ST6GALNAC3: variants seen among roughly 807,000 people sequenced by gnomAD.
ST6GALNAC3 encodes the protein alpha-N-acetylgalactosaminide alpha-2,6-sialyltransferase 3.
A neutral mutation model predicts 32.7 loss-of-function variants in ST6GALNAC3; 25 were observed. The ratio of observed to expected loss-of-function variants is 0.76; its 90% CI spans 0.56 to 1.07. The LOEUF (loss-of-function observed/expected upper bound fraction) is 1.07, where lower values mean the gene tolerates loss of function less well. Among genes scored for constraint, ST6GALNAC3 ranks in the 50% least tolerant of loss-of-function variants. ST6GALNAC3 has a pLI of 0.00. For synonymous variants in ST6GALNAC3, 129 were observed against 133.1 expected (o/e 0.97, Z 0.21); for missense variants, 355 against 382.4 (o/e 0.93, Z 0.60).
At chr1:76,145,402 C>G (rs1302165120) in intron 1 of ST6GALNAC3, among the ~76,000 whole-genome samples, 2 of 152,154 alleles carry the variant, frequency 1.3e-5, no homozygotes, top group Non-Finnish European at 2.9e-5. Context: ...CGTGTACTAG[C>G]AGCATGGGCA....
intron 3 of ST6GALNAC3, among the ~76,000 whole-genome samples, chr1:76,454,562 A>G (rs1190879638): frequency 1.3e-5 from 2 of 152,144 alleles, no homozygotes; most frequent in Admixed American, 6.5e-5. Flanking sequence ...CCAGGATGCA[A>G]AATTCTTGGC....
intron 3 of ST6GALNAC3, among the ~76,000 whole-genome samples, chr1:76,522,977 A>G (rs530253543): frequency 2.6e-5 from 4 of 152,280 alleles, no homozygotes; most frequent in Admixed American, 2.6e-4. Context: ...CTTGTGCGCA[A>G]CCATTCCCAC....
At chr1:76,442,014 TA>T (rs1179663367) in intron 3 of ST6GALNAC3, among the ~76,000 whole-genome samples, 1 of 152,192 alleles carries the variant, frequency 6.6e-6, no homozygotes, top group African/African-American at 2.4e-5. Flanking sequence ...TCCACTGTAA[TA>T]AATACTAGTG....
At chr1:76,478,917 C>T (rs1380946474) in intron 3 of ST6GALNAC3, among the ~76,000 whole-genome samples, 1 of 151,782 alleles carries the variant, frequency 6.6e-6, no homozygotes, top group Non-Finnish European at 1.5e-5. Context: ...TGCCCGCCAC[C>T]ACGCCCGGCT....
At chr1:76,284,039 G>A (rs973789536) in intron 1 of ST6GALNAC3, among the ~76,000 whole-genome samples, 5 of 123,778 alleles carry the variant, frequency 4.0e-5, no homozygotes, top group African/African-American at 6.3e-5. Flanking sequence ...CAAACCAATG[G>A]AAATGCCGGA....
At position 76,483,300 on chromosome 1, in the gene ST6GALNAC3, A is replaced by G. The variant is rs577395615; in HGVS notation, c.623+70883A>G. 6.6e-5 allele frequency among the ~76,000 whole-genome samples: 10 copies of G among 152,320 alleles called. No homozygotes were observed. The South Asian group carries it at 1.0e-3, about 16-fold the overall frequency. ...TTCTAGATCCCTGAAGAATCGCCAT[A>G]CTGTCTTCCACAATGGTTGAACTAG... On this transcript the variant is annotated intron_variant, in intron 3 of 4. Transcript: ENST00000328299.
At chr1:76,636,678 A>G (rs1649513432), downstream of ST6GALNAC3, among the ~76,000 whole-genome samples, 1 of 152,066 alleles carries the variant, frequency 6.6e-6, no homozygotes, top group Admixed American at 6.6e-5. Flanking sequence ...TCTTTAAGCT[A>G]TCTAGGAATC....
At position 76,155,354 on chromosome 1, in the gene ST6GALNAC3, A is replaced by G. The variant is rs189823691; in HGVS notation, c.18+80470A>G. 2.6e-5 allele frequency among the ~76,000 whole-genome samples: 4 copies of G among 152,350 alleles called. No homozygotes were observed. The East Asian group carries it at 7.7e-4, about 29-fold the overall frequency. ...AGCCAAATTATTATAGAGAATTACT[A>G]TGTGCCAGGCATGGGTAATTTTTGG... On this transcript the variant is annotated intron_variant, in intron 1 of 4. Transcript: ENST00000328299.
chr1:76,382,994 A>G (rs1040904930), intron 2 of ST6GALNAC3, among the ~76,000 whole-genome samples: 1 of 152,130 alleles, frequency 6.6e-6, no homozygotes, highest in African/African-American at 2.4e-5. Context: ...AGAAGAAGAA[A>G]AGAAAATCTT....
rs539724925 is a variant in ST6GALNAC3, at chr1:76,119,050, T to A, written c.18+44166T>A. Among the ~76,000 whole-genome samples, 12 of 152,366 alleles carry A rather than the reference T, an allele frequency of 7.9e-5. No homozygotes were observed. The East Asian group carries it at 2.3e-3, about 29-fold the overall frequency. On this transcript the variant is annotated intron_variant, in intron 1 of 4. Coordinates refer to ENST00000328299, the MANE Select transcript of ST6GALNAC3 (RefSeq NM_152996.4). ...GTTGGTCAGGCTGGTCTCGATCTCC[T>A]GACCTTGTGATCCACCCACCACGAC...
At chr1:76,205,739 T>C (rs1305675295) in intron 1 of ST6GALNAC3, among the ~76,000 whole-genome samples, 1 of 152,216 alleles carries the variant, frequency 6.6e-6, no homozygotes, top group African/African-American at 2.4e-5. Context: ...CTCTATGTTA[T>C]CTGATGCTGC....
chr1:76,259,008 A>G (rs1319466416), intron 1 of ST6GALNAC3, among the ~76,000 whole-genome samples: 2 of 152,156 alleles, frequency 1.3e-5, no homozygotes, highest in African/African-American at 2.4e-5. Flanking sequence ...CTGTGAGAAG[A>G]TTTATATTCT....
At chr1:76,191,359 T>C (rs1314697172) in intron 1 of ST6GALNAC3, among the ~76,000 whole-genome samples, 2 of 151,468 alleles carry the variant, frequency 1.3e-5, no homozygotes, top group South Asian at 4.2e-4. Context: ...ACTAGGATAC[T>C]AGGAATTGGG....
At chr1:76,550,761 G>GT (rs1406911924) in intron 3 of ST6GALNAC3, among the ~76,000 whole-genome samples, 3 of 151,802 alleles carry the variant, frequency 2.0e-5, no homozygotes, top group African/African-American at 7.3e-5. Context: ...GTTTTGTTTT[G>GT]TTTTTTGAGA....
chr1:76,224,138 T>G (rs1421628613), intron 1 of ST6GALNAC3, among the ~76,000 whole-genome samples: 1 of 152,208 alleles, frequency 6.6e-6, no homozygotes, highest in African/African-American at 2.4e-5. Flanking sequence ...ATGATCATTC[T>G]ACTTATAATG....
intron 1 of ST6GALNAC3, among the ~76,000 whole-genome samples, chr1:76,252,718 C>T (rs913026191): frequency 1.3e-5 from 2 of 152,136 alleles, no homozygotes; most frequent in Non-Finnish European, 2.9e-5. Flanking sequence ...AGACTGTAAA[C>T]ACAGCTGAGA....
chr1:76,572,343 T>G (rs985800610), intron 3 of ST6GALNAC3, among the ~76,000 whole-genome samples: 1 of 152,116 alleles, frequency 6.6e-6, no homozygotes, highest in African/African-American at 2.4e-5. Context: ...TATTAAATGC[T>G]CAATAAATGT....
intron 1 of ST6GALNAC3, among the ~76,000 whole-genome samples, chr1:76,138,587 CA>C (rs1459356642): frequency 6.6e-6 from 1 of 152,206 alleles, no homozygotes; most frequent in Admixed American, 6.5e-5. Flanking sequence ...TCATTCTATG[CA>C]AATCCCAACA....
chr1:76,606,958 C>A (rs1406404150), intron 3 of ST6GALNAC3, among the ~76,000 whole-genome samples: 1 of 151,440 alleles, frequency 6.6e-6, no homozygotes, highest in African/African-American at 2.4e-5. Flanking sequence ...TAGCATAGAC[C>A]ACACAGGTAA....
Sources: allele counts gnomAD v4.1 joint callset (sites outside exome capture counted in the v4.1 genomes callset), GRCh38; gene constraint gnomAD v4.1.1; transcripts MANE v1.5; gene names NCBI Gene and HGNC (gene_info 2026-07-23, HGNC 2026-07-21).